Variants in MDN1 observed in about 807,000 individuals in gnomAD.
The protein encoded by MDN1 is midasin.
MDN1 carries 266 observed loss-of-function variants against 669.2 expected under a neutral mutation model. That is an observed-to-expected ratio of 0.40 (90% CI 0.36 to 0.44). The LOEUF is 0.44. Among genes scored for constraint, MDN1 ranks in the 20% least tolerant of loss-of-function variants. The pLI, the probability that MDN1 is intolerant of heterozygous loss-of-function variation, is 1.00. For synonymous variants in MDN1, 2,385 were observed against 2,457.1 expected, an observed-to-expected ratio of 0.97 and a Z score of 0.87; for missense variants, 5,940 against 6,754.0, an observed-to-expected ratio of 0.88 and a Z score of 4.22.
In MDN1 at chr6:89,648,469, A is replaced by G. The variant is rs540831994; in HGVS notation, c.16207-140T>C. On this transcript the variant is annotated intron_variant, in intron 97 of 101. Coordinates refer to ENST00000369393, the MANE Select transcript of MDN1 (RefSeq NM_014611.3). ...GAGGAATAACATCAGTAAGGCTACT[A>G]TAGTCACAACAAACCCAAAGGCTTT... is the stretch of plus-strand genomic sequence containing the variant. 7.5e-5 allele frequency: 55 copies of G among 731,940 alleles called. No homozygotes were observed. The East Asian group carries it at 1.4e-3, about 19-fold the overall frequency. 45.3% of individuals were successfully genotyped at this position (731,940 alleles called of 1,614,324 possible). A position where few individuals can be genotyped will look rare whatever the true frequency, so the allele number is the denominator to read the frequency against.
intron 62 of MDN1, 97 bp downstream of exon 62, chr6:89,693,977 A>G: frequency 2.2e-6 from 2 of 924,458 alleles, no homozygotes; most frequent in South Asian, 2.8e-5. Context: ...AATGTAGTTT[A>G]GAGGTGTATA....
At chr6:89,746,820 C>T (rs1377111055) in intron 27 of MDN1, among the ~76,000 whole-genome samples, 2 of 152,124 alleles carry the variant, frequency 1.3e-5, no homozygotes, top group Non-Finnish European at 2.9e-5. Context: ...ATCATCAGCA[C>T]TTTTCAAATC....
chr6:89,663,937 G>A (rs1156909342), intron 85 of MDN1, among the ~76,000 whole-genome samples: 3 of 52,226 alleles, frequency 5.7e-5, no homozygotes, highest in East Asian at 1.3e-3. Flanking sequence ...GCGAGACTCC[G>A]TCTTAAAAAA....
intron 39 of MDN1, 38 bp downstream of exon 39, chr6:89,723,474 C>T (rs956105236): frequency 1.6e-6 from 2 of 1,245,148 alleles, no homozygotes; most frequent in African/African-American, 3.1e-5. Context: ...TCAAATACAG[C>T]CAGAAAAAAA....
At chr6:89,817,900 G>A (rs1441878924) in intron 1 of MDN1, among the ~76,000 whole-genome samples, 1 of 152,158 alleles carries the variant, frequency 6.6e-6, no homozygotes, top group African/African-American at 2.4e-5. Flanking sequence ...TGGCCTTGAT[G>A]CACTAGATGC....
intron 40 of MDN1, 40 bp from the exon 41 acceptor site, chr6:89,719,265 C>T (rs1333885399): frequency 6.5e-7 from 1 of 1,529,822 alleles, no homozygotes; most frequent in Admixed American, 1.7e-5. Flanking sequence ...ACAAATCACT[C>T]CACCTAATTC....
intron 22 of MDN1, 40 bp from the exon 23 acceptor site, chr6:89,751,622 A>C: frequency 6.3e-7 from 1 of 1,591,238 alleles, no homozygotes; most frequent in South Asian, 1.1e-5. Context: ...CCACAGTTGT[A>C]CATTCTTTCA....
chr6:89,658,334 G>C lies in MDN1; in HGVS notation c.15058C>G (p.Gln5020Glu), dbSNP rs958155456. ...EEREDSDTEE[Q>E]VPEALERKEH... ...TTCCTCTCCAAAGCCTCTGGCACCT[G>C]CTCCTCTGTATCAGAGTCCTCCCGT... is the stretch of plus-strand genomic sequence containing the variant. Residue 5020 changes from glutamine to glutamate, a missense_variant, in exon 90 of 102, where the codon CAG becomes GAG. Gln to Glu is a conservative substitution (Grantham distance 29, BLOSUM62 2). Around this residue, in one of 5 missense-constraint regions of MDN1, gnomAD observed 2,280 missense variants for 2,576.3 expected, o/e 0.88. Transcript: ENST00000369393. 6 of 1,614,054 alleles carry C rather than the reference G, an allele frequency of 3.7e-6. No individual in the cohort carries two copies. In the African/African-American group the frequency reaches 8.0e-5, roughly 22 times the overall value.
At chr6:89,731,593 A>G (rs562171563) in intron 34 of MDN1, among the ~76,000 whole-genome samples, 24 of 151,864 alleles carry the variant, frequency 1.6e-4, no homozygotes, top group Non-Finnish European at 3.4e-4. Context: ...GGAACATCAC[A>G]TACTGGGGCC....
chr6:89,734,782 A>T (rs1006412692), intron 33 of MDN1, among the ~76,000 whole-genome samples: 1 of 151,398 alleles, frequency 6.6e-6, no homozygotes, highest in Non-Finnish European at 1.5e-5. Context: ...GTTGTAAATG[A>T]TACCATCTTT....
chr6:89,721,364 C>T (rs538415507), intron 40 of MDN1, among the ~76,000 whole-genome samples: 10 of 152,320 alleles, frequency 6.6e-5, no homozygotes, highest in African/African-American at 1.9e-4. Flanking sequence ...ATGGTGGAGT[C>T]CAACTTGTCT....
chr6:89,792,447 T>C (rs1269883801), intron 5 of MDN1, among the ~76,000 whole-genome samples: 2 of 152,032 alleles, frequency 1.3e-5, no homozygotes, highest in Non-Finnish European at 2.9e-5. Context: ...AATCCTTCCC[T>C]ATGTTAAAAT....
At position 89,745,510 on chromosome 6, in the gene MDN1, T is replaced by G. The variant is rs773888912; in HGVS notation, c.4021A>C (p.Asn1341His). 16 of 1,614,158 alleles carry G rather than the reference T, an allele frequency of 9.9e-6. No homozygotes were observed. The highest frequency in any genetic ancestry group is 1.7e-5 in the Admixed American group (1 of 60,014). Residue 1341 changes from asparagine (N) to histidine (H), a missense_variant, in exon 28 of 102, where the codon AAT becomes CAT. Physicochemically the swap from Asn to His is moderately conservative, Grantham distance 68 (BLOSUM62 1). Around this residue, in one of 5 missense-constraint regions of MDN1, gnomAD observed 2,292 missense variants for 2,638.3 expected, o/e 0.87. Transcript: ENST00000369393. ...TACTCACCCAGCAATTTTAGAACAT[T>G]TTCTTTGGAGAAAAGAGATTGAGGA... ...LCPQSLFSKE[N>H]VLKLLGKLST...
intron 1 of MDN1, among the ~76,000 whole-genome samples, chr6:89,816,743 CA>C (rs2128333336): frequency 6.9e-6 from 1 of 145,804 alleles, no homozygotes; most frequent in African/African-American, 2.6e-5. Flanking sequence ...GGTGCGATCT[CA>C]GCTCACTGCA....
intron 1 of MDN1, among the ~76,000 whole-genome samples, chr6:89,806,254 A>T (rs184800130): frequency 7.9e-5 from 12 of 152,250 alleles, no homozygotes; most frequent in Admixed American, 7.9e-4. Flanking sequence ...TTTAAATAAT[A>T]AAGTAAGTTA....
Position 89,658,832 on chromosome 6 carries a change from G to T in MDN1, c.14799C>A (p.Asn4933Lys), listed in dbSNP as rs575063395. The change falls in exon 89 of 102, where the codon AAC becomes AAA. Residue 4933 changes from asparagine (N) to lysine (K), a missense_variant. Physicochemically the swap from Asn to Lys is moderately conservative, Grantham distance 94. Transcript: ENST00000369393. The stretch of plus-strand genomic sequence containing the variant: ...CAGGCTCCTGTGGACTCTGACTTTC[G>T]TTCTGGTCGGTCTCGGTCTCTCCTC... ...EERGETETDQ[N>K]ESQSPQEPEE... 1.2e-6 allele frequency: 2 copies of T among 1,614,074 alleles called. No homozygotes were observed. Among genetic ancestry groups the T allele is most frequent in the South Asian group, 1.1e-5 (1 of 91,072 alleles).
At chr6:89,659,947 G>A (rs964251794) in intron 88 of MDN1, among the ~76,000 whole-genome samples, 2 of 152,088 alleles carry the variant, frequency 1.3e-5, no homozygotes, top group Admixed American at 6.5e-5. Flanking sequence ...GCATGCAGCG[G>A]TGCCATCTTG....
Position 89,695,621 on chromosome 6 carries a change from T to G in MDN1, c.9755A>C (p.Asn3252Thr). Reference protein sequence around the residue: ...DPAVKREYKLNYVKEELHQLQ... With the variant: ...DPAVKREYKLTYVKEELHQLQ... ...CTCCCATACCTCTTCCTTGACGTAATTGAGCTTGTACTCCCTCTTCACCGC... is the reference window on the plus strand; with the variant it reads ...CTCCCATACCTCTTCCTTGACGTAAGTGAGCTTGTACTCCCTCTTCACCGC... The change falls in exon 61 of 102, where the codon AAT becomes ACT. Residue 3252 changes from asparagine (N) to threonine (T), a missense_variant. This residue lies in a region of MDN1 where 2,292 missense variants were observed against 2,638.3 expected (regional missense o/e 0.87). Transcript: ENST00000369393. This position sits in a 1 kb window ranked among gnomAD's most constrained non-coding sequence, Gnocchi z 4.1. The G allele has an allele frequency of 6.3e-7, 1 of 1,597,866 alleles. No homozygotes were observed. The highest frequency in any genetic ancestry group is 8.6e-7 in the Non-Finnish European group (1 of 1,168,152).
At chr6:89,733,146 A>G (rs895187793) in intron 33 of MDN1, among the ~76,000 whole-genome samples, 7 of 152,120 alleles carry the variant, frequency 4.6e-5, no homozygotes, top group Admixed American at 3.9e-4. Flanking sequence ...TTATAATTTT[A>G]CTTGTATTTT....
Sources: gnomAD v4.1 joint callset for allele counts (sites outside exome capture counted in the v4.1 genomes callset) on GRCh38, gnomAD v4.1.1 for gene constraint, gnomAD v4.1.1 regional missense constraint, Gnocchi (gnomAD v3.1) non-coding constraint, MANE v1.5 for transcripts, NCBI Gene and HGNC (gene_info 2026-07-23, HGNC 2026-07-21) for gene names.